The following CHD1L variants were observed in gnomAD, a reference collection of about 807,000 sequenced individuals.
CHD1L encodes ATP-dependent chromatin remodeler CHD1L.
CHD1L carries 118 observed loss-of-function variants against 115.9 expected under a neutral mutation model. The ratio of observed to expected loss-of-function variants is 1.02; its 90% confidence interval spans 0.88 to 1.19. The LOEUF is 1.19. Among genes scored for constraint, CHD1L ranks in the 50% most tolerant of loss-of-function variants. The pLI is 0.00. For missense variants in CHD1L, 1,179 were observed against 1,065.3 expected, an observed-to-expected ratio of 1.11 and a Z score of -1.49; for synonymous variants, 411 against 387.1, an observed-to-expected ratio of 1.06 and a Z score of -0.72.
chr1:147,283,230 T>G (rs375847531), intron 15 of CHD1L, among the ~76,000 whole-genome samples: 12 of 152,304 alleles, frequency 7.9e-5, no homozygotes, highest in African/African-American at 2.9e-4. Flanking sequence ...CCCTGCTGAT[T>G]TAATTAGCAA....
intron 1 of CHD1L, chr1:147,243,136 T>C: frequency 8.4e-6 from 2 of 238,630 alleles, no homozygotes; most frequent in Non-Finnish European, 8.0e-6. Context: ...AGGCCTCCGC[T>C]GAAGAGTTGG....
At chr1:147,240,972 T>C (rs377211008), upstream of CHD1L, among the ~76,000 whole-genome samples, 288 of 141,980 alleles carry the variant, frequency 2.0e-3, 1 homozygote, top group Admixed American at 4.1e-3. Context: ...CTTTTCTTTC[T>C]CTATACTTTG....
the CHD1L span, chr1:147,224,030 G>T: frequency 4.8e-5 from 20 of 418,180 alleles, no homozygotes; most frequent in East Asian, 1.1e-3. Context: ...GATTGCACAC[G>T]ATGCGGATCC....
intron 5 of CHD1L, among the ~76,000 whole-genome samples, chr1:147,257,022 A>T (rs904286371): frequency 6.6e-5 from 10 of 152,156 alleles, no homozygotes; most frequent in Non-Finnish European, 1.2e-4. Context: ...ACTTTTTAGA[A>T]AGGGAGTTTT....
At chr1:147,259,626 TAAA>T in intron 5 of CHD1L, 2 of 391,268 alleles carry the variant, frequency 5.1e-6, no homozygotes, top group Non-Finnish European at 9.3e-6. Flanking sequence ...CCCATTTTGT[TAAA>T]AAAAAAAATC....
Position 147,254,935 on chromosome 1 carries a change from T to C in CHD1L, c.306T>C (p.Cys102=), listed in dbSNP as rs782549857. The change falls in exon 3 of 23, where the codon TGT becomes TGC. Residue 102 remains cysteine, a synonymous_variant. Transcript: ENST00000369258. ...LNDEGPFLIL[C]PLSVLSNWKE... ...ATGAAGGGCCATTTCTGATTCTTTG[T>C]CCCTTGTCTGTTTTGAGCAACTGGA... 3.7e-6 allele frequency: 6 copies of C among 1,610,556 alleles called. No homozygotes were observed. The highest frequency in any genetic ancestry group is 4.2e-6 in the Non-Finnish European group (5 of 1,178,756).
the CHD1L span, chr1:147,213,255 G>A: frequency 7.1e-7 from 1 of 1,416,984 alleles, no homozygotes; most frequent in Non-Finnish European, 9.5e-7. Flanking sequence ...CATTCCTCAG[G>A]GGTCAGGTCA....
At chr1:147,204,882 C>T in the CHD1L span, 3 of 1,589,674 alleles carry the variant, frequency 1.9e-6, no homozygotes, top group Non-Finnish European at 2.6e-6. Flanking sequence ...GTTTCGCTCC[C>T]TCCTTGAGCA....
At chr1:147,233,390 G>A in the CHD1L span, among the ~76,000 whole-genome samples, 8 of 141,214 alleles carry the variant, frequency 5.7e-5, no homozygotes, top group African/African-American at 1.3e-4. Context: ...TCAGCCCCCC[G>A]CCCGGCCAGC....
At chr1:147,271,621 C>G (rs1676265353) in intron 11 of CHD1L, among the ~76,000 whole-genome samples, 2 of 152,164 alleles carry the variant, frequency 1.3e-5, no homozygotes, top group South Asian at 4.1e-4. Flanking sequence ...CGCAGTATAC[C>G]TGGTCCAGTG....
Position 147,294,520 on chromosome 1 carries a change from A to G in CHD1L, c.2615+3A>G. The G allele has an allele frequency of 6.2e-7, 1 of 1,607,074 alleles. No homozygotes were observed. The highest frequency in any genetic ancestry group is 1.1e-5 in the South Asian group (1 of 90,316). ...GCAAGAGGCATCCCAACTTACATGT[A>G]TCCTTTTGTGATCTTCATTGTGTGT... On this transcript the variant is annotated splice_donor_region_variant and intron_variant, in intron 22 of 22. Transcript: ENST00000369258.
At chr1:147,177,997 C>T in the CHD1L span, 1 of 575,628 alleles carries the variant, frequency 1.7e-6, no homozygotes, top group Non-Finnish European at 3.0e-6. Context: ...GAATCTGATC[C>T]TGGAACACAA....
chr1:147,274,621 CTTAA>C (rs139922790), intron 12 of CHD1L, among the ~76,000 whole-genome samples: 35,584 of 151,846 alleles, frequency 0.23, 4,613 homozygotes, highest in Non-Finnish European at 0.29. Context: ...TCACGGTTCT[CTTAA>C]TTAATTCCTG....
chr1:147,281,348 A>T (rs1680769200), intron 15 of CHD1L, among the ~76,000 whole-genome samples: 1 of 151,108 alleles, frequency 6.6e-6, no homozygotes, highest in African/African-American at 2.4e-5. Context: ...CTGACTGTCT[A>T]CTCTAGTGTG....
intron 1 of CHD1L, among the ~76,000 whole-genome samples, chr1:147,252,151 C>G (rs1418794979): frequency 1.3e-5 from 2 of 152,184 alleles, no homozygotes; most frequent in Non-Finnish European, 2.9e-5. Context: ...TTCTTAAAAA[C>G]AGCGCTTCTG....
At chr1:147,286,123 CAGTT>C (rs587658148) in intron 17 of CHD1L, among the ~76,000 whole-genome samples, 171 bp from the exon 18 acceptor site, 4 of 152,276 alleles carry the variant, frequency 2.6e-5, no homozygotes, top group African/African-American at 7.2e-5. Context: ...AGTCAGGAAG[CAGTT>C]AGCCTAATCA....
chr1:147,218,409 T>G, the CHD1L span, among the ~76,000 whole-genome samples: 1,851 of 122,344 alleles, frequency 0.015, 31 homozygotes, highest in African/African-American at 0.065. Context: ...CTAATTTTTT[T>G]TGTGTTTTTA....
chr1:147,268,200 C>T (rs1251756382), intron 9 of CHD1L, among the ~76,000 whole-genome samples: 1 of 152,176 alleles, frequency 6.6e-6, no homozygotes, highest in African/African-American at 2.4e-5. Context: ...GCTTTAGCTG[C>T]ATCCTAGGAA....
At chr1:147,216,897 C>A in the CHD1L span, among the ~76,000 whole-genome samples, 1 of 152,260 alleles carries the variant, frequency 6.6e-6, no homozygotes, top group South Asian at 2.1e-4. Flanking sequence ...GACATTAATC[C>A]TCAATTCAGT....
Sources: allele counts gnomAD v4.1 joint callset (sites outside exome capture counted in the v4.1 genomes callset), GRCh38; gene constraint gnomAD v4.1.1; transcripts MANE v1.5; gene names NCBI Gene and HGNC (gene_info 2026-07-23, HGNC 2026-07-21).